Variants in COG6 observed in about 807,000 individuals in gnomAD.
COG6 encodes the protein component of oligomeric golgi complex 6.
In COG6, 74 loss-of-function variants were observed where a neutral mutation model predicts 88.8. The ratio of observed to expected loss-of-function variants is 0.83; its 90% CI spans 0.69 to 1.01. COG6 has a LOEUF of 1.01. Ranked by LOEUF, COG6 falls within the 50% of genes least tolerant of loss-of-function variation. The probability of loss-of-function intolerance (pLI) is 0.00; values close to 1 mark genes in which losing one functional copy is unlikely to be tolerated. For synonymous variants in COG6, 286 were observed against 278.7 expected, an observed-to-expected ratio of 1.03 and a Z score of -0.26; for missense variants, 800 against 797.9, an observed-to-expected ratio of 1.00 and a Z score of -0.03.
At chr13:39,770,601 A>G (rs1881292846) in intron 18 of COG6, among the ~76,000 whole-genome samples, 1 of 152,120 alleles carries the variant, frequency 6.6e-6, no homozygotes, top group Non-Finnish European at 1.5e-5. Flanking sequence ...TATCGTGTTT[A>G]TTCATTTTTC....
At chr13:39,665,403 C>G (rs1875187831) in intron 4 of COG6, among the ~76,000 whole-genome samples, 1 of 152,030 alleles carries the variant, frequency 6.6e-6, no homozygotes, top group African/African-American at 2.4e-5. Flanking sequence ...TTATTGTTTG[C>G]TGTGGAGTTC....
At chr13:39,785,615 C>T (rs1881749736) in intron 18 of COG6, 1 of 152,176 alleles carries the variant, frequency 6.6e-6, no homozygotes, top group African/African-American at 2.4e-5. Flanking sequence ...ACAGTGTCTA[C>T]TTACACTCCT....
Position 39,687,830 on chromosome 13 carries a change from A to G in COG6, c.1009+31A>G, listed in dbSNP as rs150711256. 2.1e-4 allele frequency: 299 copies of G among 1,395,456 alleles called. No individual in the cohort carries two copies. The African/African-American group carries it at 2.8e-3, about 13-fold the overall frequency. The allele number at this position is 1,395,456 out of a possible 1,614,324, so 86.4% of individuals were successfully genotyped here. A position where few individuals can be genotyped will look rare whatever the true frequency, so the allele number is the denominator to read the frequency against. On this transcript the variant is annotated intron_variant, in intron 10 of 18. Transcript: ENST00000455146. ...TCCACCAATTGTATTGCTAATGCCT[A>G]AATATAGAAAATAACACAAGCATCT...
chr13:39,672,233 A>G (rs1014369283), intron 4 of COG6, among the ~76,000 whole-genome samples: 1 of 152,032 alleles, frequency 6.6e-6, no homozygotes, highest in Non-Finnish European at 1.5e-5. Flanking sequence ...TAATACATGT[A>G]ATTGTAATTC....
intron 18 of COG6, among the ~76,000 whole-genome samples, chr13:39,743,945 T>C (rs9548911): frequency 0.5 from 75,279 of 151,784 alleles, 19,146 homozygotes; most frequent in South Asian, 0.69. Context: ...AAGGCTGGTT[T>C]AACCTATGCA....
intron 7 of COG6, among the ~76,000 whole-genome samples, chr13:39,680,249 AAAAC>A (rs769087432): frequency 7.9e-4 from 120 of 152,358 alleles, no homozygotes; most frequent in Non-Finnish European, 1.3e-3. Flanking sequence ...TTAAAAAAGA[AAAAC>A]AAACTTCACA....
At chr13:39,768,375 C>T (rs1033302115) in intron 18 of COG6, among the ~76,000 whole-genome samples, 3 of 152,146 alleles carry the variant, frequency 2.0e-5, no homozygotes, top group Admixed American at 6.5e-5. Flanking sequence ...TGCCACAGGG[C>T]GGGACAATTG....
intron 13 of COG6, among the ~76,000 whole-genome samples, chr13:39,714,224 G>GTT (rs143237550): frequency 8.9e-4 from 133 of 149,634 alleles, no homozygotes; most frequent in Middle Eastern, 3.4e-3. Context: ...ATTTTTGAAA[G>GTT]TTTTTTTTTT....
chr13:39,683,163 CACA>C (rs1281503127), intron 8 of COG6, among the ~76,000 whole-genome samples: 1 of 152,152 alleles, frequency 6.6e-6, no homozygotes, highest in African/African-American at 2.4e-5. Flanking sequence ...ATTCTAGAAA[CACA>C]ACGTCAGTAA....
At chr13:39,707,726 A>G (rs903074285) in intron 13 of COG6, among the ~76,000 whole-genome samples, 4 of 152,198 alleles carry the variant, frequency 2.6e-5, no homozygotes, top group Non-Finnish European at 4.4e-5. Flanking sequence ...CATGTTCAGT[A>G]GTTCATTTTT....
At chr13:39,750,555 T>A (rs958831936) in intron 18 of COG6, among the ~76,000 whole-genome samples, 4 of 152,174 alleles carry the variant, frequency 2.6e-5, no homozygotes, top group Non-Finnish European at 5.9e-5. Context: ...GTTGATAAAT[T>A]GAAACAATTG....
rs189092993 is a variant in COG6, at chr13:39,730,757, G to A, written c.1826+3209G>A. Among the ~76,000 whole-genome samples, 552 of 62,052 alleles carry A rather than the reference G, an allele frequency of 8.9e-3. 2 individuals are homozygous for A. The highest frequency in any genetic ancestry group is 0.013 in the Non-Finnish European group (397 of 30,666). The allele number at this position is 62,052 out of a possible 152,430, so 40.7% of individuals were successfully genotyped here. On this transcript the variant is annotated intron_variant, in intron 18 of 18. Coordinates refer to ENST00000455146, the MANE Select transcript of COG6 (RefSeq NM_020751.3). Reference sequence around the variant, plus strand: ...CCACTGCCCTCCAGCCTGGGCGACAGAGCAAGACTCCATCTCAAAAAAAAA... The same window carrying A: ...CCACTGCCCTCCAGCCTGGGCGACAAAGCAAGACTCCATCTCAAAAAAAAA...
At chr13:39,715,777 G>T (rs1305975741) in intron 13 of COG6, among the ~76,000 whole-genome samples, 1 of 151,954 alleles carries the variant, frequency 6.6e-6, no homozygotes, top group East Asian at 1.9e-4. Flanking sequence ...TAACTGCTTG[G>T]TAGTTGGTTG....
chr13:39,659,618 C>T (rs756551996), intron 2 of COG6, 111 bp downstream of exon 2: 2 of 840,880 alleles, frequency 2.4e-6, no homozygotes, highest in Non-Finnish European at 3.8e-6. Context: ...GTATACTATG[C>T]CCAAATAGAA....
At chr13:39,727,379 G>A (rs1271268604) in intron 17 of COG6, 90 bp from the exon 18 acceptor site, 4 of 972,874 alleles carry the variant, frequency 4.1e-6, no homozygotes, top group Non-Finnish European at 5.0e-6. Context: ...TTTTTCTCAA[G>A]GATTTAATTC....
intron 13 of COG6, among the ~76,000 whole-genome samples, chr13:39,708,280 GT>G (rs1878052694): frequency 6.6e-6 from 1 of 152,154 alleles, no homozygotes; most frequent in Admixed American, 6.5e-5. Flanking sequence ...TTGGATACAA[GT>G]CCTTTATGGA....
At chr13:39,768,009 T>C (rs1055070687) in intron 18 of COG6, among the ~76,000 whole-genome samples, 1 of 152,194 alleles carries the variant, frequency 6.6e-6, no homozygotes. Context: ...TTCCACATGC[T>C]GTCCATTAGG....
exon 19 of COG6, chr13:39,789,895 A>T (rs1881891207): frequency 1.3e-5 from 2 of 152,544 alleles, no homozygotes. Context: ...TTTGAGTGCT[A>T]TTTATTTTGT....
chr13:39,736,199 C>G (rs1439457343), intron 18 of COG6, among the ~76,000 whole-genome samples: 1 of 150,394 alleles, frequency 6.6e-6, no homozygotes, highest in Non-Finnish European at 1.5e-5. Context: ...TTTTTTATTC[C>G]TTTTTCTTTT....
Sources: gnomAD v4.1 joint callset for allele counts (sites outside exome capture counted in the v4.1 genomes callset) on GRCh38, gnomAD v4.1.1 for gene constraint, MANE v1.5 for transcripts, NCBI Gene and HGNC (gene_info 2026-07-23, HGNC 2026-07-21) for gene names.